Variants in GPR39 observed in about 807,000 individuals in gnomAD.
The protein encoded by GPR39 is zinc sensing receptor.
A neutral mutation model predicts 18.4 loss-of-function variants in GPR39; 23 were observed. The ratio of observed to expected loss-of-function variants is 1.25; its 90% CI spans 0.90 to 1.77. GPR39 has a LOEUF of 1.77. GPR39 is among the 40% of genes most tolerant of loss of function. The pLI is 0.00. For synonymous variants in GPR39, 280 were observed against 257.9 expected, an observed-to-expected ratio of 1.09 and a Z score of -0.82; for missense variants, 647 against 602.4, an observed-to-expected ratio of 1.07 and a Z score of -0.78.
intron 1 of GPR39, among the ~76,000 whole-genome samples, chr2:132,494,813 T>C (rs183793230): frequency 6.6e-6 from 1 of 152,342 alleles, no homozygotes; most frequent in African/African-American, 2.4e-5. Context: ...TTGTTTTTCT[T>C]ATCCAGAGTG....
intron 1 of GPR39, among the ~76,000 whole-genome samples, chr2:132,492,691 CATATATATATA>C: frequency 7.5e-6 from 1 of 132,850 alleles, no homozygotes; most frequent in Non-Finnish European, 1.6e-5. Context: ...ATATACACAC[CATATATATATA>C]ATATATATAC....
At chr2:132,473,778 C>T (rs1359500472) in intron 1 of GPR39, among the ~76,000 whole-genome samples, 1 of 152,180 alleles carries the variant, frequency 6.6e-6, no homozygotes, top group African/African-American at 2.4e-5. Flanking sequence ...ACTATCTCTG[C>T]CTCTTTCAGA....
chr2:132,633,781 A>C (rs920391205), intron 1 of GPR39, among the ~76,000 whole-genome samples: 1 of 151,986 alleles, frequency 6.6e-6, no homozygotes, highest in Non-Finnish European at 1.5e-5. Context: ...CAGAGGTGGA[A>C]GTCATGGTAG....
rs755271942 is a variant in GPR39, at chr2:132,446,217, G to A, written c.856+28319G>A. Among the ~76,000 whole-genome samples, 160 of 152,266 alleles carry A rather than the reference G, an allele frequency of 1.1e-3. 2 individuals carry two copies. The highest frequency in any genetic ancestry group is 9.4e-4 in the African/African-American group (39 of 41,552). On this transcript the variant is annotated intron_variant, in intron 1 of 1. Coordinates refer to ENST00000329321, the MANE Select transcript of GPR39 (RefSeq NM_001508.3). Reference sequence around the variant, plus strand: ...ACTGAGTGCCCAGCATGGCAATAGCGTACTGCACTCACCCTTTTATTCACC... The same window carrying A: ...ACTGAGTGCCCAGCATGGCAATAGCATACTGCACTCACCCTTTTATTCACC...
intron 1 of GPR39, among the ~76,000 whole-genome samples, chr2:132,424,914 C>T (rs1680090238): frequency 6.6e-6 from 1 of 152,176 alleles, no homozygotes; most frequent in African/African-American, 2.4e-5. Flanking sequence ...CACTGTCCTC[C>T]ATGGCCAGAC....
intron 1 of GPR39, among the ~76,000 whole-genome samples, chr2:132,592,469 GA>G (rs1162175540): frequency 6.6e-6 from 1 of 152,068 alleles, no homozygotes; most frequent in African/African-American, 2.4e-5. Context: ...TGAGGTCAGG[GA>G]AAAAAGTGGT....
chr2:132,594,102 GA>G (rs1464297689), intron 1 of GPR39, among the ~76,000 whole-genome samples: 1 of 152,150 alleles, frequency 6.6e-6, no homozygotes, highest in African/African-American at 2.4e-5. Context: ...TTTACAATGT[GA>G]ACAATCAGAC....
At chr2:132,430,173 C>G (rs1372417506) in intron 1 of GPR39, among the ~76,000 whole-genome samples, 1 of 152,156 alleles carries the variant, frequency 6.6e-6, no homozygotes. Context: ...TAGGTTTAGT[C>G]ATGAAGGGGT....
At chr2:132,566,077 T>G (rs1375830066) in intron 1 of GPR39, among the ~76,000 whole-genome samples, 1 of 136,204 alleles carries the variant, frequency 7.3e-6, no homozygotes, top group African/African-American at 2.8e-5. Flanking sequence ...TTCCTGACTT[T>G]TTAATGATTG....
chr2:132,598,615 G>A (rs894743922), intron 1 of GPR39, among the ~76,000 whole-genome samples: 2 of 151,992 alleles, frequency 1.3e-5, no homozygotes, highest in Non-Finnish European at 2.9e-5. Context: ...TGGCACTGGG[G>A]AAAGGCTATG....
At chr2:132,631,315 G>A (rs570706623) in intron 1 of GPR39, among the ~76,000 whole-genome samples, 59 of 152,310 alleles carry the variant, frequency 3.9e-4, no homozygotes, top group African/African-American at 1.4e-3. Context: ...TCACAAATTT[G>A]CAAGACTATT....
chr2:132,461,183 T>C (rs931784891), intron 1 of GPR39, among the ~76,000 whole-genome samples: 6 of 152,198 alleles, frequency 3.9e-5, no homozygotes, highest in Non-Finnish European at 7.3e-5. Flanking sequence ...AATGGGATGC[T>C]AATAAATGAA....
chr2:132,475,656 A>G (rs1681113161), intron 1 of GPR39, among the ~76,000 whole-genome samples: 1 of 152,114 alleles, frequency 6.6e-6, no homozygotes, highest in Non-Finnish European at 1.5e-5. Flanking sequence ...GAGGCTGCAC[A>G]TTTGACCTAC....
intron 1 of GPR39, 190 bp from the exon 2 acceptor site, chr2:132,644,911 A>G (rs538487466): frequency 1.6e-6 from 1 of 626,234 alleles, no homozygotes; most frequent in Non-Finnish European, 2.7e-6. Context: ...CCGGGTTTGA[A>G]ACAGTGTTAA....
chr2:132,639,258 TA>T (rs1681818225), intron 1 of GPR39, among the ~76,000 whole-genome samples: 1 of 141,122 alleles, frequency 7.1e-6, no homozygotes, highest in African/African-American at 2.6e-5. Context: ...AATGGGGGGA[TA>T]AAAGGGGGAT....
intron 1 of GPR39, among the ~76,000 whole-genome samples, chr2:132,432,127 G>A (rs990845967): frequency 2.0e-5 from 3 of 152,060 alleles, no homozygotes; most frequent in African/African-American, 7.2e-5. Context: ...CTGTTATATC[G>A]AAATACCATA....
chr2:132,525,019 G>A (rs920867025), intron 1 of GPR39, among the ~76,000 whole-genome samples: 1 of 152,080 alleles, frequency 6.6e-6, no homozygotes, highest in Non-Finnish European at 1.5e-5. Flanking sequence ...ATTTGTCTGT[G>A]TGGGACCCCT....
chr2:132,602,725 T>C (rs1020802588), intron 1 of GPR39, among the ~76,000 whole-genome samples: 10 of 151,724 alleles, frequency 6.6e-5, no homozygotes, highest in African/African-American at 2.4e-4. Context: ...AATGGGCAAA[T>C]GATTTGAATA....
At chr2:132,594,306 T>C (rs1420308195) in intron 1 of GPR39, among the ~76,000 whole-genome samples, 1 of 152,160 alleles carries the variant, frequency 6.6e-6, no homozygotes, top group Admixed American at 6.5e-5. Flanking sequence ...CCTGGGTCTT[T>C]TTTGGCTAAA....
Sources: allele counts gnomAD v4.1 joint callset (sites outside exome capture counted in the v4.1 genomes callset), GRCh38; gene constraint gnomAD v4.1.1; transcripts MANE v1.5; gene names NCBI Gene and HGNC (gene_info 2026-07-23, HGNC 2026-07-21).